FREM1: variants seen among roughly 807,000 people sequenced by gnomAD.
FREM1 encodes FRAS1-related extracellular matrix protein 1.
FREM1 carries 220 observed loss-of-function variants against 210.1 expected under a neutral mutation model. The ratio of observed to expected loss-of-function variants is 1.05; its 90% confidence interval spans 0.94 to 1.17. The LOEUF is 1.17. FREM1 is among the 50% of genes most tolerant of loss of function. FREM1 has a pLI of 0.00. For missense variants in FREM1, 3,454 were observed against 2,675.5 expected (o/e 1.29, Z -6.42); for synonymous variants, 1,189 against 980.2 (o/e 1.21, Z -3.98).
At chr9:14,805,277 C>G (rs1226451517) in intron 18 of FREM1, 125 bp from the exon 19 acceptor site, 2 of 512,074 alleles carry the variant, frequency 3.9e-6, no homozygotes, top group Admixed American at 6.8e-5. Flanking sequence ...AGCAGTTGAC[C>G]TAAGTATCTT....
At chr9:14,900,061 C>G (rs916004381) in intron 1 of FREM1, among the ~76,000 whole-genome samples, 1 of 152,210 alleles carries the variant, frequency 6.6e-6, no homozygotes, top group Non-Finnish European at 1.5e-5. Context: ...AAACTTCACA[C>G]TCATGGCTTC....
At chr9:14,818,520 G>T (rs893557141) in intron 14 of FREM1, among the ~76,000 whole-genome samples, 7 of 152,188 alleles carry the variant, frequency 4.6e-5, no homozygotes, top group African/African-American at 1.7e-4. Flanking sequence ...GAATTTACAG[G>T]TGAGAAGTGA....
At chr9:14,861,072 T>TATATACATATATACAC (rs1830253224) in intron 3 of FREM1, among the ~76,000 whole-genome samples, 1 of 84,784 alleles carries the variant, frequency 1.2e-5, no homozygotes, top group Non-Finnish European at 2.5e-5. Context: ...CACATATACA[T>TATATACATATATACAC]ATATACATAT....
At chr9:14,795,221 A>G (rs1432899951) in intron 21 of FREM1, among the ~76,000 whole-genome samples, 2 of 152,208 alleles carry the variant, frequency 1.3e-5, no homozygotes, top group Non-Finnish European at 2.9e-5. Context: ...GCATGTTTAC[A>G]TATTTTATTT....
At chr9:14,804,438 A>G (rs1255125679) in intron 19 of FREM1, among the ~76,000 whole-genome samples, 1 of 152,154 alleles carries the variant, frequency 6.6e-6, no homozygotes, top group Non-Finnish European at 1.5e-5. Context: ...ACAAAAAATT[A>G]GCCGGGCGTG....
At chr9:14,762,401 C>T (rs1845661319) in intron 27 of FREM1, among the ~76,000 whole-genome samples, 1 of 152,202 alleles carries the variant, frequency 6.6e-6, no homozygotes, top group Admixed American at 6.5e-5. Flanking sequence ...CAATGTCATT[C>T]TGTAGATCCT....
At chr9:14,793,559 C>T (rs780468520) in intron 21 of FREM1, among the ~76,000 whole-genome samples, 14 of 152,286 alleles carry the variant, frequency 9.2e-5, no homozygotes, top group Middle Eastern at 3.4e-3. Context: ...CTTTACTGTG[C>T]GGTGCTGCTG....
At chr9:14,747,486 C>A in intron 32 of FREM1, 58 bp from the exon 33 acceptor site, 2 of 1,512,834 alleles carry the variant, frequency 1.3e-6, no homozygotes, top group Non-Finnish European at 1.8e-6. Flanking sequence ...AGATAGCAAA[C>A]AAAAAAATGA....
chr9:14,749,990 A>C lies in FREM1; in HGVS notation c.5557+137T>G, dbSNP rs1037187900. On this transcript the variant is annotated intron_variant, in intron 30 of 36. Transcript: ENST00000380880. ...GCAGAAACCAGAATAAAGGGCCTAC[A>C]TCACGACTGAGGGTGCTTTCTTGAC... 3.4e-6 allele frequency: 3 copies of C among 870,664 alleles called. No homozygotes were observed. The African/African-American group carries it at 5.1e-5, about 15-fold the overall frequency. 53.9% of individuals were successfully genotyped at this position (870,664 alleles called of 1,614,324 possible).
chr9:14,857,821 C>T (rs892677175), intron 4 of FREM1, 72 bp from the exon 5 acceptor site: 66 of 1,083,486 alleles, frequency 6.1e-5, no homozygotes, highest in African/African-American at 1.4e-4. Context: ...ACCAGTACTC[C>T]GTCCCATGAA....
At chr9:14,901,328 T>C (rs1473350514) in intron 1 of FREM1, among the ~76,000 whole-genome samples, 1 of 152,232 alleles carries the variant, frequency 6.6e-6, no homozygotes. Context: ...AATCATTCTA[T>C]AAGTGTAATT....
intron 1 of FREM1, among the ~76,000 whole-genome samples, chr9:14,876,599 G>C (rs529246166): frequency 6.6e-6 from 1 of 152,164 alleles, no homozygotes; most frequent in Non-Finnish European, 1.5e-5. Context: ...TCTTTGACTA[G>C]GAAAGGGAAC....
At chr9:14,758,026 T>G (rs777399930) in intron 28 of FREM1, among the ~76,000 whole-genome samples, 6 of 152,268 alleles carry the variant, frequency 3.9e-5, no homozygotes, top group Non-Finnish European at 5.9e-5. Context: ...GAATCCTATG[T>G]GGGAAAAGGA....
chr9:14,746,912 C>T lies in FREM1; in HGVS notation c.6138+11G>A. On this transcript the variant is annotated intron_variant, in intron 34 of 36. Transcript: ENST00000380880. ...GAATAAAGGTGCTTGGCTGCTCAGC[C>T]TGCCTCCTACCTTGGTTTGGGGACT... The T allele has an allele frequency of 6.2e-7, 1 of 1,611,532 alleles. No homozygotes were observed. Among genetic ancestry groups the T allele is most frequent in the Non-Finnish European group, 8.5e-7 (1 of 1,179,324 alleles).
intron 1 of FREM1, among the ~76,000 whole-genome samples, chr9:14,875,369 C>G (rs1020561709): frequency 6.6e-6 from 1 of 152,118 alleles, no homozygotes; most frequent in Non-Finnish European, 1.5e-5. Flanking sequence ...AGGCTTTGTT[C>G]ATTTCCTTTT....
Position 14,851,274 on chromosome 9 carries a change from TCC to T in FREM1, c.1152+8_1152+9del. ...CTAACTAGGCTGGAAGCTTTGTCTC[TCC>T]TTCTTACCTCATCATGTCTCCTCTC... On this transcript the variant is annotated splice_region_variant and intron_variant, in intron 6 of 36. Transcript: ENST00000380880. 6.4e-7 allele frequency: 1 copy of T among 1,554,358 alleles called. No individual in the cohort carries two copies. Among genetic ancestry groups the T allele is most frequent in the Non-Finnish European group, 8.7e-7 (1 of 1,150,274 alleles).
At chr9:14,897,646 A>G (rs1036839794) in intron 1 of FREM1, among the ~76,000 whole-genome samples, 7 of 151,032 alleles carry the variant, frequency 4.6e-5, no homozygotes, top group African/African-American at 1.7e-4. Context: ...GCTGGAGTAC[A>G]GTTCCTTCAT....
At chr9:14,761,744 GCACATCCA>G (rs757483634) in intron 27 of FREM1, among the ~76,000 whole-genome samples, 5 of 152,162 alleles carry the variant, frequency 3.3e-5, no homozygotes, top group Non-Finnish European at 5.9e-5. Context: ...CCTTTGTCCA[GCACATCCA>G]CACAGTAGAT....
intron 10 of FREM1, among the ~76,000 whole-genome samples, chr9:14,826,335 G>A (rs1036294393): frequency 3.9e-5 from 6 of 151,992 alleles, no homozygotes; most frequent in South Asian, 2.1e-4. Context: ...CAAGTGATCC[G>A]CCCTCCTTGG....
Sources: gnomAD v4.1 joint callset for allele counts (sites outside exome capture counted in the v4.1 genomes callset) on GRCh38, gnomAD v4.1.1 for gene constraint, MANE v1.5 for transcripts, NCBI Gene and HGNC (gene_info 2026-07-23, HGNC 2026-07-21) for gene names.